Variants in KCND2 observed in about 807,000 individuals in gnomAD.
The protein encoded by KCND2 is A-type voltage-gated potassium channel KCND2.
In KCND2, 16 loss-of-function variants were observed where a neutral mutation model predicts 54.4. That is an observed-to-expected ratio of 0.29 (90% confidence interval 0.20 to 0.45). KCND2 has a LOEUF of 0.45. KCND2 is among the 20% of genes least tolerant of loss of function. The pLI, the probability that KCND2 is intolerant of heterozygous loss-of-function variation, is 1.00. For synonymous variants in KCND2, 317 were observed against 310.7 expected, an observed-to-expected ratio of 1.02 and a Z score of -0.21; for missense variants, 486 against 824.2, an observed-to-expected ratio of 0.59 and a Z score of 5.02.
intron 1 of KCND2, among the ~76,000 whole-genome samples, chr7:120,635,034 C>G (rs1045914839): frequency 3.3e-5 from 5 of 152,220 alleles, no homozygotes; most frequent in African/African-American, 1.2e-4. Context: ...TAGTTGACAT[C>G]ATTTTCTTAG....
rs1346998738 is a variant in KCND2, at chr7:120,324,617, C to T, written c.1115+48870C>T. On this transcript the variant is annotated intron_variant, in intron 1 of 5. Transcript: ENST00000331113. ...CAAAGATCAGATAGTTGTAGATAAG[C>T]GGTGTTATTTCTGAGGGCTCTGTTC... 1.1e-3 allele frequency among the ~76,000 whole-genome samples: 168 copies of T among 148,756 alleles called. 1 individual carries two copies. The highest frequency in any genetic ancestry group is 6.9e-4 in the Non-Finnish European group (46 of 66,376).
At chr7:120,518,317 T>C (rs1051099631) in intron 1 of KCND2, among the ~76,000 whole-genome samples, 3 of 152,328 alleles carry the variant, frequency 2.0e-5, no homozygotes, top group African/African-American at 7.2e-5. Flanking sequence ...CAATAATTTT[T>C]ATAATGGAAA....
chr7:120,744,213 G>C (rs1370807134), intron 4 of KCND2, among the ~76,000 whole-genome samples: 1 of 152,250 alleles, frequency 6.6e-6, no homozygotes, highest in East Asian at 1.9e-4. Context: ...AGTGAGCTAA[G>C]ATAGTGTCAC....
intron 1 of KCND2, among the ~76,000 whole-genome samples, chr7:120,375,729 T>G (rs1800827467): frequency 6.6e-6 from 1 of 151,768 alleles, no homozygotes; most frequent in Admixed American, 6.6e-5. Flanking sequence ...GAAGCTCAAG[T>G]TTATAAATGA....
chr7:120,595,501 G>A (rs1488216639), intron 1 of KCND2, among the ~76,000 whole-genome samples: 24 of 142,336 alleles, frequency 1.7e-4, no homozygotes, highest in South Asian at 2.2e-4. Context: ...ATATATATGT[G>A]TGTGTGTGTA....
intron 1 of KCND2, among the ~76,000 whole-genome samples, chr7:120,332,883 C>T (rs989097889): frequency 6.6e-6 from 1 of 151,974 alleles, no homozygotes; most frequent in Non-Finnish European, 1.5e-5. Context: ...CAAAAAGAGA[C>T]CTAGACAAGC....
At chr7:120,283,978 G>A (rs1799302133) in intron 1 of KCND2, among the ~76,000 whole-genome samples, 2 of 152,066 alleles carry the variant, frequency 1.3e-5, no homozygotes, top group African/African-American at 4.8e-5. Flanking sequence ...CAGAAGCAAT[G>A]CTTTGATAAG....
chr7:120,602,051 C>T (rs1469217460), intron 1 of KCND2, among the ~76,000 whole-genome samples: 1 of 152,124 alleles, frequency 6.6e-6, no homozygotes, highest in Non-Finnish European at 1.5e-5. Flanking sequence ...TTGCTCTTCC[C>T]TACGAACTGA....
chr7:120,504,717 T>C (rs1297571669), intron 1 of KCND2, among the ~76,000 whole-genome samples: 2 of 151,820 alleles, frequency 1.3e-5, no homozygotes, highest in African/African-American at 4.8e-5. Flanking sequence ...CTCTATAAAT[T>C]ATGGAAAGCT....
intron 1 of KCND2, among the ~76,000 whole-genome samples, chr7:120,706,505 A>C (rs541245795): frequency 2.6e-5 from 4 of 152,316 alleles, no homozygotes; most frequent in Admixed American, 1.3e-4. Flanking sequence ...CAAATGCTGC[A>C]TGCAGCCTCT....
In KCND2 at chr7:120,747,870, T is replaced by C; in HGVS notation, c.*12T>C. 1 of 1,599,622 alleles carries C rather than the reference T, an allele frequency of 6.3e-7. No homozygotes were observed. The highest frequency in any genetic ancestry group is 8.6e-7 in the Non-Finnish European group (1 of 1,168,150). ...TTTCTGCTTTGTAAGACAATTGGAA[T>C]AAGGTCTAAGAGAATTCGAGCCCTG... is the stretch of plus-strand genomic sequence containing the variant. On this transcript the variant is annotated 3_prime_UTR_variant, in exon 6 of 6. Transcript: ENST00000331113.
At chr7:120,294,819 C>A (rs996177986) in intron 1 of KCND2, among the ~76,000 whole-genome samples, 2 of 151,780 alleles carry the variant, frequency 1.3e-5, no homozygotes, top group African/African-American at 4.8e-5. Context: ...TGTACATACA[C>A]ACATATACAT....
intron 1 of KCND2, among the ~76,000 whole-genome samples, chr7:120,615,867 C>CCA (rs1793017350): frequency 6.6e-6 from 1 of 152,160 alleles, no homozygotes; most frequent in African/African-American, 2.4e-5. Context: ...CTGGGTCAAA[C>CCA]CACATGAACT....
chr7:120,684,953 C>T (rs1423097062), intron 1 of KCND2, among the ~76,000 whole-genome samples: 3 of 152,148 alleles, frequency 2.0e-5, no homozygotes, highest in Non-Finnish European at 4.4e-5. Context: ...AGGGCTCCCA[C>T]TGGTTCTACA....
intron 1 of KCND2, among the ~76,000 whole-genome samples, chr7:120,480,901 G>T (rs542789966): frequency 1.6e-4 from 24 of 152,294 alleles, no homozygotes; most frequent in African/African-American, 4.6e-4. Context: ...CTTTGGAACT[G>T]GGTTATAAGT....
intron 1 of KCND2, among the ~76,000 whole-genome samples, chr7:120,667,799 A>T (rs1452178741): frequency 6.6e-6 from 1 of 152,036 alleles, no homozygotes; most frequent in Non-Finnish European, 1.5e-5. Flanking sequence ...GTAAAAATAA[A>T]ACGAGAACAA....
chr7:120,355,968 C>T (rs1275756060), intron 1 of KCND2, among the ~76,000 whole-genome samples: 1 of 152,144 alleles, frequency 6.6e-6, no homozygotes, highest in Non-Finnish European at 1.5e-5. Context: ...AAATAGAGAA[C>T]ATCGAATCCA....
At chr7:120,548,181 T>C (rs1374485928) in intron 1 of KCND2, among the ~76,000 whole-genome samples, 1 of 152,074 alleles carries the variant, frequency 6.6e-6, no homozygotes, top group African/African-American at 2.4e-5. Flanking sequence ...ATGTGGGTAA[T>C]GAAGATCCAC....
intron 1 of KCND2, among the ~76,000 whole-genome samples, chr7:120,674,564 T>A (rs1349442786): frequency 2.6e-5 from 4 of 152,194 alleles, no homozygotes; most frequent in Admixed American, 2.0e-4. Context: ...GATAAGCCAT[T>A]AGTAGACACA....
Sources: allele counts gnomAD v4.1 joint callset (sites outside exome capture counted in the v4.1 genomes callset), GRCh38; gene constraint gnomAD v4.1.1; transcripts MANE v1.5; gene names NCBI Gene and HGNC (gene_info 2026-07-23, HGNC 2026-07-21).